The following TMCO6 variants were observed in gnomAD, a reference collection of about 807,000 sequenced individuals.
TMCO6 encodes transmembrane and coiled-coil domains 6.
TMCO6 carries 47 observed loss-of-function variants against 61.8 expected under a neutral mutation model. That is an observed-to-expected ratio of 0.76 (90% confidence interval 0.60 to 0.97). The LOEUF is 0.97. Among genes scored for constraint, TMCO6 ranks in the 50% least tolerant of loss-of-function variants. The pLI, the probability that TMCO6 is intolerant of heterozygous loss-of-function variation, is 0.00. For synonymous variants in TMCO6, 261 were observed against 254.2 expected (o/e 1.03, Z -0.25); for missense variants, 557 against 601.6 (o/e 0.93, Z 0.78).
downstream of TMCO6, chr5:140,647,193 C>T (rs184408776): frequency 1.5e-3 from 2,224 of 1,495,054 alleles, 1 homozygote; most frequent in Non-Finnish European, 1.8e-3. Flanking sequence ...TTGGGCGGTC[C>T]CTTCTCTTCT....
At chr5:140,618,243 A>G in the TMCO6 span, among the ~76,000 whole-genome samples, 2 of 152,128 alleles carry the variant, frequency 1.3e-5, no homozygotes, top group Non-Finnish European at 2.9e-5. Context: ...CAGCCTGACC[A>G]ACATGGCGAA....
chr5:140,602,934 C>T, the TMCO6 span, among the ~76,000 whole-genome samples: 1 of 152,088 alleles, frequency 6.6e-6, no homozygotes, highest in Non-Finnish European at 1.5e-5. Flanking sequence ...CATGGTGAAA[C>T]CCCGTCTCTA....
At chr5:140,611,938 T>C in the TMCO6 span, among the ~76,000 whole-genome samples, 2 of 152,132 alleles carry the variant, frequency 1.3e-5, no homozygotes, top group Non-Finnish European at 2.9e-5. Context: ...ATCTGGTAAA[T>C]GAGGGGCTCT....
At chr5:140,644,223 A>G in intron 10 of TMCO6, 29 bp downstream of exon 10, 1 of 1,602,606 alleles carries the variant, frequency 6.2e-7, no homozygotes, top group Non-Finnish European at 8.6e-7. Flanking sequence ...TGAATCCAAG[A>G]TCTGGTAGTC....
At chr5:140,638,495 GAAT>G (rs1756832494), upstream of TMCO6, among the ~76,000 whole-genome samples, 1 of 151,572 alleles carries the variant, frequency 6.6e-6, no homozygotes, top group African/African-American at 2.4e-5. Flanking sequence ...ATGAATTAAA[GAAT>G]AAAAGATTGA....
At chr5:140,605,532 T>C in the TMCO6 span, among the ~76,000 whole-genome samples, 4 of 151,862 alleles carry the variant, frequency 2.6e-5, no homozygotes, top group African/African-American at 9.7e-5. Flanking sequence ...ATACAAAAAT[T>C]AGCTGGGCAT....
intron 2 of TMCO6, among the ~76,000 whole-genome samples, chr5:140,640,396 A>AT (rs895606837): frequency 2.8e-5 from 4 of 142,268 alleles, no homozygotes; most frequent in East Asian, 4.1e-4. Context: ...TTGAGAGCCT[A>AT]TTTTTTTTCT....
At chr5:140,644,831 T>C in intron 11 of TMCO6, 91 bp downstream of exon 11, 2 of 1,558,290 alleles carry the variant, frequency 1.3e-6, no homozygotes. Context: ...TAGTTGTTTC[T>C]CTGGGCCTGG....
the TMCO6 span, among the ~76,000 whole-genome samples, chr5:140,617,649 G>A: frequency 1.3e-5 from 2 of 151,416 alleles, no homozygotes; most frequent in African/African-American, 4.9e-5. Context: ...CAGGAGAATC[G>A]CTTGAACCCA....
At chr5:140,644,262 C>A in intron 10 of TMCO6, 68 bp downstream of exon 10, 1 of 1,520,514 alleles carries the variant, frequency 6.6e-7, no homozygotes, top group Non-Finnish European at 9.1e-7. Flanking sequence ...GTCCTGAGCC[C>A]TCAGATGTAC....
chr5:140,638,306 G>A (rs1441958843), upstream of TMCO6, among the ~76,000 whole-genome samples: 1 of 152,184 alleles, frequency 6.6e-6, no homozygotes, highest in Non-Finnish European at 1.5e-5. Flanking sequence ...GAGAGGAAAG[G>A]GGAAGGGGTG....
chr5:140,605,797 A>G, the TMCO6 span, among the ~76,000 whole-genome samples: 1 of 152,046 alleles, frequency 6.6e-6, no homozygotes, highest in Admixed American at 6.6e-5. Context: ...TAAGATTGGC[A>G]TTAAGTCTTT....
intron 8 of TMCO6, 46 bp downstream of exon 8, chr5:140,643,721 C>T (rs751320630): frequency 1.2e-6 from 2 of 1,605,068 alleles, no homozygotes; most frequent in Admixed American, 1.7e-5. Context: ...TTTCTTGATA[C>T]TCTGGAATGC....
chr5:140,630,707 G>T, the TMCO6 span, among the ~76,000 whole-genome samples: 4 of 152,230 alleles, frequency 2.6e-5, no homozygotes, highest in Non-Finnish European at 5.9e-5. Flanking sequence ...ATTCCAGTGA[G>T]TGTCCAGCTA....
chr5:140,619,376 C>T, the TMCO6 span, among the ~76,000 whole-genome samples: 8 of 152,114 alleles, frequency 5.3e-5, no homozygotes, highest in Non-Finnish European at 1.2e-4. Flanking sequence ...AACAATAAAA[C>T]ACAAATAAAA....
At chr5:140,605,692 AACACACACACACACACACACACACACAC>A in the TMCO6 span, among the ~76,000 whole-genome samples, 3 of 118,582 alleles carry the variant, frequency 2.5e-5, no homozygotes, top group African/African-American at 9.1e-5. Context: ...AAAAAAACAA[AACACACACACACACACACACACACACAC>A]ACACACACAC....
chr5:140,629,268 C>CA, the TMCO6 span, among the ~76,000 whole-genome samples: 2 of 148,546 alleles, frequency 1.3e-5, no homozygotes, highest in South Asian at 2.1e-4. Context: ...GACTCTGTCT[C>CA]AAAAAACAAA....
the TMCO6 span, chr5:140,632,379 G>A: frequency 6.2e-7 from 1 of 1,614,204 alleles, no homozygotes; most frequent in Non-Finnish European, 8.5e-7. The surrounding 1 kb of genome is among the most constrained non-coding windows in gnomAD (Gnocchi z 6.2). Context: ...AGGATTGTCA[G>A]ACAGGTCTAG....
At chr5:140,605,451 G>A in the TMCO6 span, among the ~76,000 whole-genome samples, 17 of 151,904 alleles carry the variant, frequency 1.1e-4, no homozygotes, top group African/African-American at 2.7e-4. Context: ...AGGCTGAGGC[G>A]GGTGCATCAC....
Sources: gnomAD v4.1 joint callset for allele counts (sites outside exome capture counted in the v4.1 genomes callset) on GRCh38, gnomAD v4.1.1 for gene constraint, Gnocchi (gnomAD v3.1) non-coding constraint, MANE v1.5 for transcripts, NCBI Gene and HGNC (gene_info 2026-07-23, HGNC 2026-07-21) for gene names.